The following DPYSL3 variants were observed in gnomAD, a reference collection of about 807,000 sequenced individuals.
DPYSL3 encodes the protein dihydropyrimidinase like 3.
A neutral mutation model predicts 66.1 loss-of-function variants in DPYSL3; 16 were observed. The ratio of observed to expected loss-of-function variants is 0.24; its 90% CI spans 0.16 to 0.37. The LOEUF (loss-of-function observed/expected upper bound fraction) is 0.37, where lower values mean the gene tolerates loss of function less well. DPYSL3 is among the 10% of genes least tolerant of loss of function. The probability of loss-of-function intolerance (pLI) is 1.00; values close to 1 mark genes in which losing one functional copy is unlikely to be tolerated. For synonymous variants in DPYSL3, 338 were observed against 345.1 expected, an observed-to-expected ratio of 0.98 and a Z score of 0.23; for missense variants, 738 against 916.2, an observed-to-expected ratio of 0.81 and a Z score of 2.51.
In DPYSL3 at chr5:147,393,808, G is replaced by T; in HGVS notation, c.*227C>A. ...CTGTCTGATTGCATGCATGTAAATG[G>T]GGGGAGGGGAGTCAAACAAATCAAG... On this transcript the variant is annotated 3_prime_UTR_variant, in exon 14 of 14. Coordinates refer to ENST00000343218, the MANE Select transcript of DPYSL3 (RefSeq NM_001197294.2). 1 of 552,158 alleles carries T rather than the reference G, an allele frequency of 1.8e-6. No homozygotes were observed. 34.2% of individuals were successfully genotyped at this position (552,158 alleles called of 1,614,324 possible).
chr5:147,424,779 T>A, intron 2 of DPYSL3, 96 bp downstream of exon 2: 1 of 963,220 alleles, frequency 1.0e-6, no homozygotes, highest in Non-Finnish European at 1.5e-6. Context: ...TAAATTAAGA[T>A]TTTTTTCACT....
At chr5:147,400,611 G>A in intron 10 of DPYSL3, 81 bp downstream of exon 10, 1 of 1,549,852 alleles carries the variant, frequency 6.5e-7, no homozygotes, top group Non-Finnish European at 8.8e-7. Context: ...AGTGTCACCA[G>A]CCCAACTGGT....
chr5:147,465,597 G>GC (rs1752998465), intron 1 of DPYSL3, among the ~76,000 whole-genome samples: 1 of 152,134 alleles, frequency 6.6e-6, no homozygotes, highest in Non-Finnish European at 1.5e-5. Context: ...ACTGTTCCCG[G>GC]CCCCTGGTCC....
intron 1 of DPYSL3, among the ~76,000 whole-genome samples, chr5:147,445,393 T>C (rs1313198343): frequency 1.3e-5 from 2 of 152,226 alleles, no homozygotes; most frequent in Non-Finnish European, 2.9e-5. Context: ...GTTAATATTC[T>C]AGAAAGATGT....
intron 1 of DPYSL3, among the ~76,000 whole-genome samples, chr5:147,458,501 A>C (rs1752885788): frequency 6.6e-6 from 1 of 152,220 alleles, no homozygotes; most frequent in Non-Finnish European, 1.5e-5. Flanking sequence ...TGGAGCAGCC[A>C]TTCTTTTGTT....
At chr5:147,474,502 G>A (rs987613460) in intron 1 of DPYSL3, among the ~76,000 whole-genome samples, 1 of 152,048 alleles carries the variant, frequency 6.6e-6, no homozygotes, top group Non-Finnish European at 1.5e-5. Flanking sequence ...TAAATGACAA[G>A]CTAATTAGTG....
intron 1 of DPYSL3, among the ~76,000 whole-genome samples, chr5:147,443,782 C>A (rs1323641000): frequency 6.6e-6 from 1 of 151,956 alleles, no homozygotes; most frequent in Non-Finnish European, 1.5e-5. Context: ...TAGGAAGAAT[C>A]CCTAATTGGT....
At chr5:147,460,397 A>G (rs530513655) in intron 1 of DPYSL3, among the ~76,000 whole-genome samples, 2 of 152,288 alleles carry the variant, frequency 1.3e-5, no homozygotes, top group Admixed American at 6.5e-5. Flanking sequence ...TGGGTTTGGG[A>G]AAAAAGGCAG....
intron 1 of DPYSL3, among the ~76,000 whole-genome samples, chr5:147,477,303 G>C (rs1290106869): frequency 1.3e-5 from 2 of 151,962 alleles, no homozygotes; most frequent in African/African-American, 4.8e-5. Context: ...TTGTGAGCCA[G>C]GATATAACTA....
chr5:147,394,085 G>C lies in DPYSL3; in HGVS notation c.2005C>G (p.Arg669Gly). The change falls in exon 14 of 14, where the codon CGC becomes GGC. Residue 669 changes from arginine to glycine, a missense_variant. By Grantham distance (125) the Arg-to-Gly change is moderately radical (BLOSUM62 -2). Coordinates refer to ENST00000343218, the MANE Select transcript of DPYSL3 (RefSeq NM_001197294.2). Reference sequence around the variant, plus strand: ...CGGCCGCCTGGGGGCGCCACGATGCGCTTGCTGGCTGAGCGAACCCCCTCA... The same window carrying C: ...CGGCCGCCTGGGGGCGCCACGATGCCCTTGCTGGCTGAGCGAACCCCCTCA... ...VDEGVRSASKRIVAPPGGRSN... is the reference protein window; with the variant it reads ...VDEGVRSASKGIVAPPGGRSN... 1 of 1,614,126 alleles carries C rather than the reference G, an allele frequency of 6.2e-7. No homozygotes were observed. The highest frequency in any genetic ancestry group is 8.5e-7 in the Non-Finnish European group (1 of 1,180,018).
intron 1 of DPYSL3, among the ~76,000 whole-genome samples, chr5:147,468,109 C>G (rs1457332865): frequency 6.6e-6 from 1 of 152,182 alleles, no homozygotes; most frequent in Non-Finnish European, 1.5e-5. Context: ...TGGACCATAG[C>G]AGTGATCCTT....
chr5:147,435,344 T>C (rs1283140775), intron 1 of DPYSL3, among the ~76,000 whole-genome samples: 1 of 152,238 alleles, frequency 6.6e-6, no homozygotes, highest in Non-Finnish European at 1.5e-5. Context: ...TGTTGTTCAA[T>C]CAATCTTCAA....
At chr5:147,459,614 T>A (rs1352994297) in intron 1 of DPYSL3, among the ~76,000 whole-genome samples, 1 of 151,110 alleles carries the variant, frequency 6.6e-6, no homozygotes, top group African/African-American at 2.4e-5. Context: ...AAAAAAAAAA[T>A]TACAGCCACA....
At chr5:147,496,338 G>A (rs1388843374) in intron 1 of DPYSL3, among the ~76,000 whole-genome samples, 1 of 152,126 alleles carries the variant, frequency 6.6e-6, no homozygotes, top group African/African-American at 2.4e-5. Context: ...CATACGCATG[G>A]GCAAGGACTT....
chr5:147,504,492 G>A (rs1753658110), intron 1 of DPYSL3, among the ~76,000 whole-genome samples: 1 of 152,168 alleles, frequency 6.6e-6, no homozygotes, highest in Non-Finnish European at 1.5e-5. Flanking sequence ...TGTCAGAGAA[G>A]ACTTATAAAA....
chr5:147,429,473 A>C (rs1005446991), intron 1 of DPYSL3, among the ~76,000 whole-genome samples: 3 of 152,066 alleles, frequency 2.0e-5, no homozygotes, highest in African/African-American at 7.2e-5. Context: ...GGTGGCTGCC[A>C]GTGTGCGTGT....
At chr5:147,473,741 C>A (rs887823238) in intron 1 of DPYSL3, among the ~76,000 whole-genome samples, 4 of 152,094 alleles carry the variant, frequency 2.6e-5, no homozygotes, top group Admixed American at 6.5e-5. Context: ...TTGCCCTTTG[C>A]AGTTAAATGG....
chr5:147,497,902 C>G (rs561918890), intron 1 of DPYSL3, among the ~76,000 whole-genome samples: 1 of 151,744 alleles, frequency 6.6e-6, no homozygotes, highest in African/African-American at 2.4e-5. Context: ...TCCCTTCTCT[C>G]TCTCTCTCTC....
At chr5:147,489,777 T>G (rs1200274315) in intron 1 of DPYSL3, among the ~76,000 whole-genome samples, 3 of 151,772 alleles carry the variant, frequency 2.0e-5, no homozygotes, top group Non-Finnish European at 4.4e-5. Flanking sequence ...TTCTTTCTCT[T>G]AAATAATAGA....
Sources: allele counts gnomAD v4.1 joint callset (sites outside exome capture counted in the v4.1 genomes callset), GRCh38; gene constraint gnomAD v4.1.1; transcripts MANE v1.5; gene names NCBI Gene and HGNC (gene_info 2026-07-23, HGNC 2026-07-21).